The following SUSD6 variants were observed in gnomAD, a reference collection of about 807,000 sequenced individuals.
The protein encoded by SUSD6 is sushi domain-containing protein 6.
A neutral mutation model predicts 28.4 loss-of-function variants in SUSD6; 16 were observed. That is an observed-to-expected ratio of 0.56 (90% confidence interval 0.38 to 0.86). The LOEUF is 0.86. Ranked by LOEUF, SUSD6 falls within the 40% of genes least tolerant of loss-of-function variation. The pLI, the probability that SUSD6 is intolerant of heterozygous loss-of-function variation, is 0.00. For synonymous variants in SUSD6, 147 were observed against 159.6 expected (o/e 0.92, Z 0.59); for missense variants, 341 against 384.2 (o/e 0.89, Z 0.94).
chr14:69,626,651 C>T (rs1294072119), intron 1 of SUSD6, among the ~76,000 whole-genome samples: 1 of 152,066 alleles, frequency 6.6e-6, no homozygotes, highest in Non-Finnish European at 1.5e-5. Context: ...ATGAAGCACC[C>T]ATTTTTTTCA....
chr14:69,672,576 C>T (rs954010985), intron 2 of SUSD6, among the ~76,000 whole-genome samples: 1 of 152,206 alleles, frequency 6.6e-6, no homozygotes, highest in African/African-American at 2.4e-5. Context: ...GGTTCTGCAT[C>T]ACAGTGCTAA....
intron 1 of SUSD6, among the ~76,000 whole-genome samples, chr14:69,650,278 C>T (rs1885484390): frequency 1.3e-5 from 2 of 152,134 alleles, no homozygotes; most frequent in African/African-American, 4.8e-5. Flanking sequence ...TGAATTTGAG[C>T]ACCCACTGTT....
intron 1 of SUSD6, among the ~76,000 whole-genome samples, chr14:69,624,977 A>G (rs541196280): frequency 2.8e-4 from 43 of 152,376 alleles, no homozygotes; most frequent in Middle Eastern, 3.4e-3. Context: ...TACATTTAAA[A>G]GTACTCCCTT....
rs114379847 is a variant in SUSD6 at position 69,644,162 on chromosome 14, C to T, written c.-80-14351C>T. Among the ~76,000 whole-genome samples, 262 of 152,188 alleles carry T rather than the reference C, an allele frequency of 1.7e-3. 1 individual carries two copies. The highest frequency in any genetic ancestry group is 5.9e-3 in the African/African-American group (245 of 41,508). Reference sequence around the variant, plus strand: ...GCTTCCTTTACCTCTCAAGGAATCTCGTACATGTAGGTGCCCAATGTATGT... The same window carrying T: ...GCTTCCTTTACCTCTCAAGGAATCTTGTACATGTAGGTGCCCAATGTATGT... On this transcript the variant is annotated intron_variant, in intron 1 of 5. Transcript: ENST00000342745.
intron 1 of SUSD6, among the ~76,000 whole-genome samples, chr14:69,644,077 G>C (rs1885391040): frequency 1.3e-5 from 2 of 151,998 alleles, no homozygotes; most frequent in Admixed American, 1.3e-4. Context: ...GTAATTATTT[G>C]TGTTTGTGTC....
chr14:69,684,887 T>A (rs1193297276), intron 2 of SUSD6, among the ~76,000 whole-genome samples: 1 of 152,256 alleles, frequency 6.6e-6, no homozygotes, highest in African/African-American at 2.4e-5. Flanking sequence ...GACCAGCACT[T>A]TCTTTCCCAC....
At chr14:69,626,218 G>A (rs368614096) in intron 1 of SUSD6, among the ~76,000 whole-genome samples, 1 of 152,164 alleles carries the variant, frequency 6.6e-6, no homozygotes, top group Non-Finnish European at 1.5e-5. Flanking sequence ...TTAAGCCCCC[G>A]GCTTCCCACC....
intron 2 of SUSD6, among the ~76,000 whole-genome samples, chr14:69,677,328 A>T (rs1048563723): frequency 6.6e-6 from 1 of 152,120 alleles, no homozygotes; most frequent in Non-Finnish European, 1.5e-5. Flanking sequence ...GGTGGATCAC[A>T]AGGTCAGGAG....
chr14:69,696,746 G>A (rs922534142), intron 2 of SUSD6, among the ~76,000 whole-genome samples: 1 of 152,186 alleles, frequency 6.6e-6, no homozygotes, highest in African/African-American at 2.4e-5. Flanking sequence ...GTGGCTGCAT[G>A]TGGTGACTGA....
In SUSD6 at chr14:69,632,054, T is replaced by G. The variant is rs573878153; in HGVS notation, c.-81+20226T>G. Among the ~76,000 whole-genome samples the G allele has an allele frequency of 1.8e-4, 28 of 152,348 alleles. 1 individual carries two copies. The South Asian group carries it at 5.2e-3, about 28-fold the overall frequency. On this transcript the variant is annotated intron_variant, in intron 1 of 5. Coordinates refer to ENST00000342745, the MANE Select transcript of SUSD6 (RefSeq NM_014734.4). Reference sequence around the variant, plus strand: ...TAATGGTTGGGAAAGAGGGCTAAATTGTACTTTTCCTTTGTAAAGGTGCAC... The same window carrying G: ...TAATGGTTGGGAAAGAGGGCTAAATGGTACTTTTCCTTTGTAAAGGTGCAC...
chr14:69,658,713 G>T lies in SUSD6; in HGVS notation c.121G>T (p.Val41Leu), dbSNP rs769245328. Residue 41 changes from valine (V) to leucine (L), a missense_variant and splice_region_variant, in exon 2 of 6, where the codon GTG becomes TTG. Coordinates refer to ENST00000342745, the MANE Select transcript of SUSD6 (RefSeq NM_014734.4). ...CTLLGDGLAS[V>L]CPLPPEPENG... ...CCTGCTTGGAGACGGACTTGCTTCC[G>T]GTAAGTCCTGACCTGCCTTCTGTGT... The T allele has an allele frequency of 3.7e-6, 6 of 1,613,918 alleles. No individual in the cohort carries two copies. The highest frequency in any genetic ancestry group is 3.3e-4 in the Middle Eastern group (2 of 6,054).
At position 69,612,627 on chromosome 14, in the gene SUSD6, G is replaced by A. The variant is rs114428088; in HGVS notation, c.-81+799G>A. Among the ~76,000 whole-genome samples, 310 of 152,222 alleles carry A rather than the reference G, an allele frequency of 2.0e-3. 2 individuals carry two copies. The highest frequency in any genetic ancestry group is 7.2e-3 in the African/African-American group (298 of 41,528). ...CAGCAAGACCCAGGAGCAAAGAGGCGTCAAAATAAAGTCTTGGGCTGGTTA... is the reference window on the plus strand; with the variant it reads ...CAGCAAGACCCAGGAGCAAAGAGGCATCAAAATAAAGTCTTGGGCTGGTTA... On this transcript the variant is annotated intron_variant, in intron 1 of 5. Coordinates refer to ENST00000342745, the MANE Select transcript of SUSD6 (RefSeq NM_014734.4).
intron 2 of SUSD6, among the ~76,000 whole-genome samples, chr14:69,659,165 A>G (rs1885627245): frequency 1.3e-5 from 2 of 152,198 alleles, no homozygotes; most frequent in African/African-American, 4.8e-5. Context: ...GTGGTTGTGA[A>G]GATTGAGGTA....
At position 69,659,151 on chromosome 14, in the gene SUSD6, C is replaced by T. The variant is rs114582137; in HGVS notation, c.121+438C>T. On this transcript the variant is annotated intron_variant, in intron 2 of 5. Coordinates refer to ENST00000342745, the MANE Select transcript of SUSD6 (RefSeq NM_014734.4). The stretch of plus-strand genomic sequence containing the variant: ...TGGGATAATAATAATACCTACCTCA[C>T]TGGGTGGTTGTGAAGATTGAGGTAA... Among the ~76,000 whole-genome samples the T allele has an allele frequency of 8.4e-3, 1,284 of 152,306 alleles. 13 individuals are homozygous for T. The highest frequency in any genetic ancestry group is 0.029 in the African/African-American group (1,220 of 41,552).
Position 69,709,048 on chromosome 14 carries a change from C to G in SUSD6, c.830C>G (p.Ser277Ter). 6.2e-7 allele frequency: 1 copy of G among 1,613,544 alleles called. No homozygotes were observed. The change falls in exon 5 of 6, where the codon TCA becomes TGA. Residue 277 changes from serine (S) to a stop codon, truncating the protein, a stop_gained. Transcript: ENST00000342745. LOFTEE classifies it high-confidence loss of function. Reference sequence around the variant, plus strand: ...CTGGCACACAAAGAAACTGCAGATTCAGAGAACAGTGACATACAAAGCCTT... The same window carrying G: ...CTGGCACACAAAGAAACTGCAGATTGAGAGAACAGTGACATACAAAGCCTT... ...RQLAHKETAD[S>*]ENSDIQSLLS... is the part of the protein sequence containing the mutation.
At chr14:69,634,179 C>T (rs937365388) in intron 1 of SUSD6, among the ~76,000 whole-genome samples, 2 of 152,196 alleles carry the variant, frequency 1.3e-5, no homozygotes, top group African/African-American at 4.8e-5. Flanking sequence ...AGGTTCTCTG[C>T]ATGGTGAATC....
At chr14:69,651,515 T>G (rs140156111) in intron 1 of SUSD6, among the ~76,000 whole-genome samples, 8 of 152,230 alleles carry the variant, frequency 5.3e-5, no homozygotes, top group South Asian at 2.1e-4. Flanking sequence ...AGCTGGAGAT[T>G]AAAGGAAATG....
At chr14:69,656,076 T>C (rs1164981370) in intron 1 of SUSD6, among the ~76,000 whole-genome samples, 1 of 151,924 alleles carries the variant, frequency 6.6e-6, no homozygotes, top group East Asian at 1.9e-4. Flanking sequence ...GCTTCCTTTT[T>C]TTTTTCTTTT....
At chr14:69,646,700 CTTTTTT>C (rs61409476) in intron 1 of SUSD6, among the ~76,000 whole-genome samples, 1 of 109,220 alleles carries the variant, frequency 9.2e-6, no homozygotes. Context: ...TTTTTTCCAT[CTTTTTT>C]TTTTTTTTTT....
Sources: allele counts gnomAD v4.1 joint callset (sites outside exome capture counted in the v4.1 genomes callset), GRCh38; gene constraint gnomAD v4.1.1; transcripts MANE v1.5; gene names NCBI Gene and HGNC (gene_info 2026-07-23, HGNC 2026-07-21).